The following FBXO38 variants were observed in gnomAD, a reference collection of about 807,000 sequenced individuals.
FBXO38 encodes F-box only protein 38.
In FBXO38, 53 loss-of-function variants were observed where a neutral mutation model predicts 131.9. The observed-to-expected ratio is 0.40, with a 90% CI of 0.32 to 0.51. The LOEUF (loss-of-function observed/expected upper bound fraction) is 0.51, where lower values mean the gene tolerates loss of function less well. FBXO38 is among the 20% of genes least tolerant of loss of function. The pLI is 0.53. For missense variants in FBXO38, 1,076 were observed against 1,475.6 expected (o/e 0.73, Z 4.44); for synonymous variants, 452 against 505.6 (o/e 0.89, Z 1.42).
intron 14 of FBXO38, among the ~76,000 whole-genome samples, chr5:148,425,986 A>G (rs1753693297): frequency 6.6e-6 from 1 of 152,146 alleles, no homozygotes; most frequent in Admixed American, 6.5e-5. Flanking sequence ...AGTGAGCGAA[A>G]AGCCTGTGCC....
intron 14 of FBXO38, among the ~76,000 whole-genome samples, chr5:148,426,779 A>G (rs1269699001): frequency 1.3e-5 from 2 of 152,188 alleles, no homozygotes; most frequent in East Asian, 3.8e-4. Flanking sequence ...ATAGGTAGTA[A>G]TATTACAGGG....
chr5:148,434,917 C>T (rs1157494008), intron 17 of FBXO38: 1 of 151,872 alleles, frequency 6.6e-6, no homozygotes, highest in African/African-American at 2.4e-5. Flanking sequence ...CATGGTGAAA[C>T]TCCGTCTCTA....
intron 19 of FBXO38, 170 bp from the exon 20 acceptor site, chr5:148,440,254 A>G (rs1561549583): frequency 5.3e-6 from 3 of 563,064 alleles, no homozygotes; most frequent in Non-Finnish European, 3.2e-6. Context: ...TGACCTGACT[A>G]CACTTGGATT....
At chr5:148,394,980 T>C (rs1287372554) in intron 2 of FBXO38, 76 bp downstream of exon 2, 1 of 1,335,262 alleles carries the variant, frequency 7.5e-7, no homozygotes, top group African/African-American at 1.5e-5. Flanking sequence ...TCTAATGTGG[T>C]AGCTACCAGC....
chr5:148,431,601 G>T (rs1190470593), intron 15 of FBXO38, among the ~76,000 whole-genome samples: 1 of 152,156 alleles, frequency 6.6e-6, no homozygotes, highest in Admixed American at 6.5e-5. Context: ...CTTTTTGTTT[G>T]TTCATTTTCA....
intron 6 of FBXO38, among the ~76,000 whole-genome samples, chr5:148,405,944 T>G (rs1475953887): frequency 6.6e-6 from 1 of 152,234 alleles, no homozygotes; most frequent in African/African-American, 2.4e-5. Flanking sequence ...ATTGAGCTGT[T>G]TACTTGAGTG....
chr5:148,395,775 AT>A (rs550287640), intron 2 of FBXO38, among the ~76,000 whole-genome samples: 6 of 149,836 alleles, frequency 4.0e-5, no homozygotes, highest in Non-Finnish European at 7.4e-5. Context: ...GGTCTTCATA[AT>A]TTTTTTTTTA....
chr5:148,404,565 A>G (rs1752333145), intron 5 of FBXO38, 120 bp from the exon 6 acceptor site: 2 of 838,688 alleles, frequency 2.4e-6, no homozygotes, highest in Non-Finnish European at 3.4e-6. Flanking sequence ...ATTTGTTCGG[A>G]TAAAAATCCT....
chr5:148,438,553 C>A lies in FBXO38; in HGVS notation c.3024+55C>A, dbSNP rs1391654912. On this transcript the variant is annotated intron_variant, in intron 18 of 21. Coordinates refer to ENST00000340253, the MANE Select transcript of FBXO38 (RefSeq NM_205836.3). ...CACATATTGTGGTGTTTTTCTTTTT[C>A]TTTTTCTTGTTAGTCTTTAGCCTTT... 19 of 1,556,844 alleles carry A rather than the reference C, an allele frequency of 1.2e-5. 1 individual carries two copies. The Admixed American group carries it at 3.1e-4, about 26-fold the overall frequency.
In FBXO38 at chr5:148,442,357, A is replaced by C; in HGVS notation, c.*210A>C. The C allele has an allele frequency of 2.6e-5, 10 of 377,432 alleles. No individual in the cohort carries two copies. The highest frequency in any genetic ancestry group is 9.7e-5 in the South Asian group (1 of 10,316). 23.4% of individuals were successfully genotyped at this position (377,432 alleles called of 1,614,324 possible). A position where few individuals can be genotyped will look rare whatever the true frequency, so the allele number is the denominator to read the frequency against. Reference sequence around the variant, plus strand: ...CTTCCTAAAGTACCAACTTTATATCATATGTTTATACAATTTAATTTAAAA... The same window carrying C: ...CTTCCTAAAGTACCAACTTTATATCCTATGTTTATACAATTTAATTTAAAA... On this transcript the variant is annotated 3_prime_UTR_variant, in exon 22 of 22. Coordinates refer to ENST00000340253, the MANE Select transcript of FBXO38 (RefSeq NM_205836.3).
chr5:148,439,338 A>G (rs1754539006), intron 18 of FBXO38, among the ~76,000 whole-genome samples: 1 of 152,238 alleles, frequency 6.6e-6, no homozygotes, highest in South Asian at 2.1e-4. Flanking sequence ...GTCAGTACTT[A>G]ATAAAGGACA....
chr5:148,387,869 T>C (rs1390767269), intron 1 of FBXO38, among the ~76,000 whole-genome samples: 1 of 152,028 alleles, frequency 6.6e-6, no homozygotes, highest in Non-Finnish European at 1.5e-5. Context: ...TTTTTGTATT[T>C]TCAGTAGAGA....
In FBXO38 at chr5:148,404,784, G is replaced by A; in HGVS notation, c.692G>A (p.Cys231Tyr). ...CCACAGCCATTTAAAGACTTCCTTT[G>A]TATCAGCTTAAGAACTTTCGTCATG... is the stretch of plus-strand genomic sequence containing the variant. ...TKPQPFKDFLCISLRTFVMRN... is the reference protein window; with the variant it reads ...TKPQPFKDFLYISLRTFVMRN... Residue 231 changes from cysteine to tyrosine, a missense_variant, in exon 6 of 22, where the codon TGT (cysteine) becomes TAT (tyrosine). By Grantham distance (194) the Cys-to-Tyr change is radical (BLOSUM62 -2). This residue lies in a region of FBXO38 where 66 missense variants were observed against 72.4 expected (regional missense o/e 0.91). Coordinates refer to ENST00000340253, the MANE Select transcript of FBXO38 (RefSeq NM_205836.3). The A allele has an allele frequency of 6.2e-7, 1 of 1,607,712 alleles. No homozygotes were observed. Among genetic ancestry groups the A allele is most frequent in the Non-Finnish European group, 8.5e-7 (1 of 1,177,970 alleles).
intron 1 of FBXO38, among the ~76,000 whole-genome samples, chr5:148,386,212 C>G (rs1013033700): frequency 2.0e-5 from 3 of 152,080 alleles, no homozygotes; most frequent in Admixed American, 1.3e-4. Context: ...AAGCCTTTCT[C>G]CAAGCACTAG....
chr5:148,407,142 G>A (rs980514610), intron 7 of FBXO38, among the ~76,000 whole-genome samples: 1 of 152,158 alleles, frequency 6.6e-6, no homozygotes, highest in African/African-American at 2.4e-5. Context: ...GTCAAGTGTG[G>A]TATAAGTGTA....
intron 1 of FBXO38, among the ~76,000 whole-genome samples, chr5:148,394,285 C>T (rs976604245): frequency 3.3e-5 from 5 of 152,128 alleles, no homozygotes; most frequent in Non-Finnish European, 5.9e-5. Context: ...ACCCAAGAAT[C>T]TCTTCTCCTT....
At position 148,406,392 on chromosome 5, in the gene FBXO38, C is replaced by A; in HGVS notation, c.866C>A (p.Ser289Ter). Reference sequence around the variant, plus strand: ...CATGTTGTTGAAGACAGTTGGAGATCAGGTATTCATTTTCTTTAATTACTA... The same window carrying A: ...CATGTTGTTGAAGACAGTTGGAGATAAGGTATTCATTTTCTTTAATTACTA... ...IQHVVEDSWR[S>*]GGFRNLHTIV... The change falls in exon 7 of 22, where the codon TCA (serine) becomes TAA (stop). Residue 289 changes from serine to a stop codon, truncating the protein, a stop_gained and splice_region_variant. Coordinates refer to ENST00000340253, the MANE Select transcript of FBXO38 (RefSeq NM_205836.3). LOFTEE classifies it high-confidence loss of function. 6.4e-7 allele frequency: 1 copy of A among 1,551,522 alleles called. No individual in the cohort carries two copies. The highest frequency in any genetic ancestry group is 1.3e-5 in the South Asian group (1 of 79,226).
At chr5:148,439,558 G>A (rs1422826113) in intron 18 of FBXO38, 89 bp from the exon 19 acceptor site, 1 of 1,211,730 alleles carries the variant, frequency 8.3e-7, no homozygotes. Flanking sequence ...CAAAACTGAA[G>A]GTCCATGGAA....
intron 9 of FBXO38, 163 bp from the exon 10 acceptor site, chr5:148,413,973 A>G (rs2113576180): frequency 1.9e-6 from 1 of 537,058 alleles, no homozygotes; most frequent in East Asian, 3.1e-5. Flanking sequence ...TACCATATGT[A>G]CGGAATACCT....
Sources: allele counts gnomAD v4.1 joint callset (sites outside exome capture counted in the v4.1 genomes callset), GRCh38; gene constraint gnomAD v4.1.1; regional missense constraint gnomAD v4.1.1; transcripts MANE v1.5; gene names NCBI Gene and HGNC (gene_info 2026-07-23, HGNC 2026-07-21).